Variants in NR1H3 observed in about 807,000 individuals in gnomAD.
The protein encoded by NR1H3 is nuclear receptor subfamily 1 group H member 3, also known as oxysterols receptor LXR-alpha.
NR1H3 carries 19 observed loss-of-function variants against 48.1 expected under a neutral mutation model. The ratio of observed to expected loss-of-function variants is 0.40; its 90% confidence interval spans 0.28 to 0.58. The LOEUF (loss-of-function observed/expected upper bound fraction) is 0.58. NR1H3 is among the 20% of genes least tolerant of loss of function. The probability of loss-of-function intolerance (pLI) is 0.50; values close to 1 mark genes in which losing one functional copy is unlikely to be tolerated. For missense variants in NR1H3, 486 were observed against 595.9 expected (o/e 0.82, Z 1.92); for synonymous variants, 232 against 227.3 (o/e 1.02, Z -0.19).
intron 1 of NR1H3, chr11:47,249,068 G>T: frequency 7.2e-7 from 1 of 1,386,320 alleles, no homozygotes; most frequent in Non-Finnish European, 9.5e-7. Context: ...ACAAATTCGC[G>T]TTTGCCTCTG....
upstream of NR1H3, chr11:47,248,841 G>T (rs932091452): frequency 6.4e-7 from 1 of 1,553,788 alleles, no homozygotes; most frequent in South Asian, 1.2e-5. Flanking sequence ...GGTGGCACCT[G>T]CAAGCAGCCG....
In NR1H3 at chr11:47,260,401, G is replaced by A. The variant is rs762626495; in HGVS notation, c.233-8G>A. On this transcript the variant is annotated splice_region_variant and splice_polypyrimidine_tract_variant and intron_variant, in intron 3 of 9. Transcript: ENST00000441012. ...GGGGAGAGCGTTGAAGCACTTTCCT[G>A]TATCCAGAGATCCGTCCACAAAAGC... The A allele has an allele frequency of 7.5e-6, 12 of 1,605,378 alleles. No homozygotes were observed. The highest frequency in any genetic ancestry group is 1.0e-5 in the Non-Finnish European group (12 of 1,174,324).
upstream of NR1H3, among the ~76,000 whole-genome samples, chr11:47,256,990 A>G (rs1223754303): frequency 6.6e-6 from 1 of 152,132 alleles, no homozygotes; most frequent in Non-Finnish European, 1.5e-5. Flanking sequence ...TCGGCCTCCC[A>G]AAGTGCTGGG....
At chr11:47,260,256 G>T in intron 3 of NR1H3, 153 bp from the exon 4 acceptor site, 1 of 1,079,748 alleles carries the variant, frequency 9.3e-7, no homozygotes, top group Non-Finnish European at 1.3e-6. Flanking sequence ...AATGGCACTT[G>T]GCAAATGAGG....
Position 47,268,282 on chromosome 11 carries a change from A to G in NR1H3, c.1124A>G (p.Gln375Arg). Residue 375 changes from glutamine (Q) to arginine (R), a missense_variant, in exon 9 of 10, where the codon CAG (glutamine) becomes CGG (arginine). Gln to Arg is a conservative substitution (Grantham distance 43, BLOSUM62 1). Transcript: ENST00000441012. ...FSADRPNVQD[Q>R]LQVERLQHTY... Reference sequence around the variant, plus strand: ...ATAGACCGGCCCAACGTGCAGGACCAGCTCCAGGTAGAGAGGCTGCAGCAC... The same window carrying G: ...ATAGACCGGCCCAACGTGCAGGACCGGCTCCAGGTAGAGAGGCTGCAGCAC... 2 of 1,614,106 alleles carry G rather than the reference A, an allele frequency of 1.2e-6. No individual in the cohort carries two copies. Among genetic ancestry groups the G allele is most frequent in the Non-Finnish European group, 1.7e-6 (2 of 1,180,010 alleles).
chr11:47,267,176 A>G (rs767234311), intron 7 of NR1H3, among the ~76,000 whole-genome samples: 6 of 151,994 alleles, frequency 3.9e-5, no homozygotes, highest in Non-Finnish European at 7.4e-5. Flanking sequence ...TTGTGATGGT[A>G]TGCACCTGTA....
In NR1H3 at chr11:47,261,324, A is replaced by C; in HGVS notation, c.583A>C (p.Arg195=). 1.9e-6 allele frequency: 3 copies of C among 1,613,596 alleles called. 1 individual carries two copies. In the South Asian group the frequency reaches 3.3e-5, roughly 18 times the overall value. ...EQAHATSLPP[R]ASSPPQILPQ... ...GGCTCATGCCACATCCTTGCCCCCCAGGGCTTCCTCACCCCCCCAAATCCT... is the reference window on the plus strand; with the variant it reads ...GGCTCATGCCACATCCTTGCCCCCCCGGGCTTCCTCACCCCCCCAAATCCT... The change falls in exon 5 of 10, where the codon AGG becomes CGG. Residue 195 remains arginine (R), a synonymous_variant. Transcript: ENST00000441012.
At chr11:47,267,497 A>C (rs934499225) in intron 7 of NR1H3, among the ~76,000 whole-genome samples, 28 of 150,562 alleles carry the variant, frequency 1.9e-4, no homozygotes, top group Admixed American at 1.4e-3. Context: ...AAGGTTACAC[A>C]GCAAAGCCTT....
chr11:47,248,754 A>G (rs1437379432), upstream of NR1H3: 2 of 1,605,526 alleles, frequency 1.2e-6, no homozygotes, highest in South Asian at 1.1e-5. Flanking sequence ...GCTGGAGGAG[A>G]GCCGCCCGGC....
intron 7 of NR1H3, among the ~76,000 whole-genome samples, chr11:47,262,383 G>A (rs1237645577): frequency 6.7e-6 from 1 of 150,060 alleles, no homozygotes; most frequent in Non-Finnish European, 1.5e-5. Flanking sequence ...AACAAAAATT[G>A]AGATAGAGTC....
In NR1H3 at chr11:47,260,476, G is replaced by C; in HGVS notation, c.300G>C (p.Val100=). ...PKMLGNELCS[V]CGDKASGFHY... Reference sequence around the variant, plus strand: ...TGCTGGGGAACGAGCTATGCAGCGTGTGTGGGGACAAGGCCTCGGGCTTCC... The same window carrying C: ...TGCTGGGGAACGAGCTATGCAGCGTCTGTGGGGACAAGGCCTCGGGCTTCC... Residue 100 remains valine, a synonymous_variant, in exon 4 of 10, where the codon GTG becomes GTC. Transcript: ENST00000441012. The C allele has an allele frequency of 6.2e-7, 1 of 1,614,268 alleles. No homozygotes were observed. Among genetic ancestry groups the C allele is most frequent in the Non-Finnish European group, 8.5e-7 (1 of 1,180,060 alleles).
chr11:47,262,071 T>G, intron 7 of NR1H3, 53 bp downstream of exon 7: 1 of 1,331,166 alleles, frequency 7.5e-7, no homozygotes, highest in East Asian at 2.3e-5. Flanking sequence ...ATGCTTCTTT[T>G]TTTATTTTTT....
upstream of NR1H3, among the ~76,000 whole-genome samples, chr11:47,254,022 A>G (rs1565176314): frequency 6.6e-6 from 1 of 152,148 alleles, no homozygotes; most frequent in South Asian, 2.1e-4. Flanking sequence ...GTCTTCTCCC[A>G]TTTTCCTCTC....
chr11:47,261,180 C>T, intron 4 of NR1H3, 61 bp from the exon 5 acceptor site: 1 of 1,244,780 alleles, frequency 8.0e-7, no homozygotes, highest in African/African-American at 1.5e-5. Flanking sequence ...GTCTTTCCCC[C>T]ACCCCCTTGC....
chr11:47,268,642 G>T lies in NR1H3; in HGVS notation c.1290G>T (p.Leu430=). 1 of 1,614,136 alleles carries T rather than the reference G, an allele frequency of 6.2e-7. No individual in the cohort carries two copies. Among genetic ancestry groups the T allele is most frequent in the East Asian group, 2.2e-5 (1 of 44,888 alleles). Residue 430 remains leucine (L), a synonymous_variant, in exon 10 of 10, where the codon CTG becomes CTT. Transcript: ENST00000441012. ...CAGAGCAAGTGTTTGCACTGCGTCT[G>T]CAGGACAAAAAGCTCCCACCGCTGC... ...VHSEQVFALR[L]QDKKLPPLLS...
At chr11:47,249,949 A>T (rs1315086889) in intron 1 of NR1H3, among the ~76,000 whole-genome samples, 1 of 151,598 alleles carries the variant, frequency 6.6e-6, no homozygotes, top group African/African-American at 2.4e-5. Flanking sequence ...AAAAAAAAAA[A>T]ATTAGCCGGG....
upstream of NR1H3, among the ~76,000 whole-genome samples, chr11:47,255,525 CTCTTTCTTTCTTTCTTTTTCTTTCTT>C (rs1357258266): frequency 1.0e-4 from 15 of 143,322 alleles, no homozygotes; most frequent in Middle Eastern, 3.7e-3. Context: ...GTGATAGACT[CTCTTTCTTTCTTTCTTTTTCTTTCTT>C]TCTTTCTTTC....
In NR1H3 at chr11:47,250,164, T is replaced by C. The variant is rs373560755; in HGVS notation, c.-93+1165T>C. Among the ~76,000 whole-genome samples, 35 of 152,174 alleles carry C rather than the reference T, an allele frequency of 2.3e-4. No individual in the cohort carries two copies. The South Asian group carries it at 7.1e-3, about 31-fold the overall frequency. ...GCTCACGTTTCTAATCCCAGCACTTTGGGAGGCCAGGGTGGGAAGATTGCT... is the reference window on the plus strand; with the variant it reads ...GCTCACGTTTCTAATCCCAGCACTTCGGGAGGCCAGGGTGGGAAGATTGCT... On this transcript the variant is annotated intron_variant, in intron 1 of 8. Coordinates refer to the NR1H3 transcript ENST00000395397.
intron 1 of NR1H3, among the ~76,000 whole-genome samples, chr11:47,251,191 TTAAA>T (rs1203982227): frequency 1.3e-5 from 2 of 151,346 alleles, no homozygotes; most frequent in Admixed American, 6.6e-5. Context: ...TGATTTTCAG[TTAAA>T]TAGTCTATAA....
Sources: gnomAD v4.1 joint callset for allele counts (sites outside exome capture counted in the v4.1 genomes callset) on GRCh38, gnomAD v4.1.1 for gene constraint, MANE v1.5 for transcripts, NCBI Gene and HGNC (gene_info 2026-07-23, HGNC 2026-07-21) for gene names.